The following UBAC2 variants were observed in gnomAD, a reference collection of about 807,000 sequenced individuals.
The protein encoded by UBAC2 is ubiquitin-associated domain-containing protein 2.
A neutral mutation model predicts 44.0 loss-of-function variants in UBAC2; 26 were observed. That is an observed-to-expected ratio of 0.59 (90% CI 0.43 to 0.82). UBAC2 has a LOEUF of 0.82. Among genes scored for constraint, UBAC2 ranks in the 40% least tolerant of loss-of-function variants. UBAC2 has a pLI of 0.00. For synonymous variants in UBAC2, 155 were observed against 154.3 expected (o/e 1.00, Z -0.04); for missense variants, 329 against 419.4 (o/e 0.78, Z 1.88).
chr13:99,301,441 G>A (rs1202290038), intron 4 of UBAC2, among the ~76,000 whole-genome samples: 1 of 152,232 alleles, frequency 6.6e-6, no homozygotes, highest in Non-Finnish European at 1.5e-5. Flanking sequence ...CCTAACATGT[G>A]TAAAACAGTA....
At chr13:99,203,768 C>T (rs1051527068) in intron 1 of UBAC2, among the ~76,000 whole-genome samples, 3 of 152,034 alleles carry the variant, frequency 2.0e-5, no homozygotes, top group African/African-American at 2.4e-5. Flanking sequence ...TGCATGGTCA[C>T]GGAGGGTAGC....
At chr13:99,218,494 CTT>C (rs35419383) in intron 1 of UBAC2, among the ~76,000 whole-genome samples, 45 of 145,494 alleles carry the variant, frequency 3.1e-4, no homozygotes, top group African/African-American at 7.3e-4. Context: ...CTTTCCTGAC[CTT>C]TTTTTTTTTT....
At chr13:99,287,470 G>A (rs2044032591) in intron 4 of UBAC2, among the ~76,000 whole-genome samples, 1 of 151,826 alleles carries the variant, frequency 6.6e-6, no homozygotes, top group Non-Finnish European at 1.5e-5. Context: ...TCTCACCCAG[G>A]CTGAAGTGCA....
chr13:99,358,678 C>T (rs2045222925), intron 7 of UBAC2, among the ~76,000 whole-genome samples: 1 of 152,072 alleles, frequency 6.6e-6, no homozygotes. Context: ...CTGGAGCCAC[C>T]CCGGCCATGG....
intron 4 of UBAC2, among the ~76,000 whole-genome samples, chr13:99,279,726 TTGGTGTTTGGGGCTGTCTTTTCG>T (rs2043928756): frequency 6.6e-6 from 1 of 152,222 alleles, no homozygotes; most frequent in African/African-American, 2.4e-5. Context: ...ACTGGCAGAT[TTGGTGTTTGGGGCTGTCTTTTCG>T]TGGTGTCCTC....
chr13:99,275,608 A>G (rs1043027567), intron 4 of UBAC2, among the ~76,000 whole-genome samples: 6 of 151,676 alleles, frequency 4.0e-5, no homozygotes, highest in African/African-American at 9.7e-5. Context: ...TATCCCTCTC[A>G]TATTGAGGAT....
At chr13:99,205,542 T>C (rs893283251) in intron 1 of UBAC2, among the ~76,000 whole-genome samples, 2 of 152,234 alleles carry the variant, frequency 1.3e-5, no homozygotes, top group Admixed American at 1.3e-4. Context: ...ACCTGTTATT[T>C]TTTGTTTTAA....
chr13:99,247,451 T>C (rs1283734243), intron 4 of UBAC2, among the ~76,000 whole-genome samples: 2 of 151,808 alleles, frequency 1.3e-5, no homozygotes, highest in African/African-American at 2.4e-5. Flanking sequence ...CCTGACCTCG[T>C]GATCCGCCCG....
rs1281966522 is a variant in UBAC2, at chr13:99,256,939, A to G, written c.389+12315A>G. ...ACTTTGCAGAGTGGGCTGTCTTGAA[A>G]TCAGCCCAGAATTTCTCTTTAAGGA... On this transcript the variant is annotated intron_variant, in intron 4 of 8. Transcript: ENST00000403766. 3.3e-5 allele frequency among the ~76,000 whole-genome samples: 5 copies of G among 152,212 alleles called. No individual in the cohort carries two copies. The East Asian group carries it at 9.6e-4, about 29-fold the overall frequency.
chr13:99,244,986 C>T (rs1197595108), intron 4 of UBAC2, among the ~76,000 whole-genome samples: 1 of 152,108 alleles, frequency 6.6e-6, no homozygotes, highest in Non-Finnish European at 1.5e-5. Context: ...GCACGTGCCA[C>T]CATGCCTGGC....
intron 4 of UBAC2, among the ~76,000 whole-genome samples, chr13:99,264,481 C>T (rs1325686834): frequency 2.0e-5 from 3 of 152,230 alleles, no homozygotes. Flanking sequence ...CACTAGTTCT[C>T]TTGGCTTCGT....
chr13:99,369,491 G>T (rs2138900867), intron 8 of UBAC2, among the ~76,000 whole-genome samples: 1 of 152,342 alleles, frequency 6.6e-6, no homozygotes, highest in South Asian at 2.1e-4. Context: ...TGTGAGAGAT[G>T]ATTTTGCCCA....
chr13:99,210,905 C>G (rs2042930846), intron 1 of UBAC2, among the ~76,000 whole-genome samples: 1 of 152,218 alleles, frequency 6.6e-6, no homozygotes, highest in African/African-American at 2.4e-5. Flanking sequence ...AGCCACCATG[C>G]TGGGCCCCGC....
intron 4 of UBAC2, 57 bp downstream of exon 4, chr13:99,244,681 G>GTTA (rs888838446): frequency 3.9e-6 from 4 of 1,014,952 alleles, no homozygotes; most frequent in South Asian, 1.5e-5. Context: ...GATTTAAAGT[G>GTTA]TTATTATTAT....
At chr13:99,266,043 A>G (rs1426498552) in intron 4 of UBAC2, among the ~76,000 whole-genome samples, 1 of 152,152 alleles carries the variant, frequency 6.6e-6, no homozygotes, top group Non-Finnish European at 1.5e-5. Flanking sequence ...TGACATAAAT[A>G]CTGTGCTTCT....
chr13:99,325,424 T>C (rs945748612), intron 6 of UBAC2, among the ~76,000 whole-genome samples: 5 of 152,178 alleles, frequency 3.3e-5, no homozygotes, highest in African/African-American at 9.7e-5. Flanking sequence ...TCTTAAAAGA[T>C]AGCTTTGCAT....
chr13:99,246,297 C>T (rs546544995), intron 4 of UBAC2, among the ~76,000 whole-genome samples: 131 of 152,272 alleles, frequency 8.6e-4, no homozygotes, highest in Admixed American at 3.5e-3. Flanking sequence ...AATTAGCATG[C>T]AGTTTGAATT....
At chr13:99,271,916 G>C (rs2043820724) in intron 4 of UBAC2, among the ~76,000 whole-genome samples, 1 of 152,056 alleles carries the variant, frequency 6.6e-6, no homozygotes, top group South Asian at 2.1e-4. Flanking sequence ...TTCAAGTGGG[G>C]GTAAATCTAG....
intron 2 of UBAC2, among the ~76,000 whole-genome samples, chr13:99,242,627 G>A (rs1227231488): frequency 3.8e-5 from 5 of 132,208 alleles, no homozygotes; most frequent in African/African-American, 5.7e-5. Context: ...CTGGCCAGGC[G>A]GGGGGCTGAC....
Sources: allele counts gnomAD v4.1 joint callset (sites outside exome capture counted in the v4.1 genomes callset), GRCh38; gene constraint gnomAD v4.1.1; transcripts MANE v1.5; gene names NCBI Gene and HGNC (gene_info 2026-07-23, HGNC 2026-07-21).